Variants in PDE1C observed in about 807,000 individuals in gnomAD.
The protein encoded by PDE1C is phosphodiesterase 1C, also known as dual specificity calcium/calmodulin-dependent 3',5'-cyclic nucleotide phosphodiesterase 1C.
A neutral mutation model predicts 93.1 loss-of-function variants in PDE1C; 62 were observed. That is an observed-to-expected ratio of 0.67 (90% CI 0.54 to 0.82). PDE1C has a LOEUF of 0.82. PDE1C is among the 40% of genes least tolerant of loss of function. The probability of loss-of-function intolerance (pLI) is 0.00; values close to 1 mark genes in which losing one functional copy is unlikely to be tolerated. For missense variants in PDE1C, 742 were observed against 884.6 expected, an observed-to-expected ratio of 0.84 and a Z score of 2.04; for synonymous variants, 325 against 310.1, an observed-to-expected ratio of 1.05 and a Z score of -0.50.
At chr7:31,660,283 T>C in the PDE1C span, among the ~76,000 whole-genome samples, 1 of 152,196 alleles carries the variant, frequency 6.6e-6, no homozygotes, top group Admixed American at 6.5e-5. Context: ...AAAATAAATT[T>C]CTAAAAACTG....
intron 1 of PDE1C, among the ~76,000 whole-genome samples, chr7:32,355,413 G>A (rs900763030): frequency 2.6e-5 from 4 of 152,192 alleles, no homozygotes; most frequent in Non-Finnish European, 5.9e-5. Context: ...TCGCTAGGTT[G>A]AGAGGGTTTT....
intron 9 of PDE1C, among the ~76,000 whole-genome samples, chr7:31,838,436 T>C (rs1405224827): frequency 6.6e-6 from 1 of 152,200 alleles, no homozygotes; most frequent in Non-Finnish European, 1.5e-5. Context: ...GTTCTCATGT[T>C]ACCTCACTTC....
chr7:32,361,267 A>G (rs1429792949), intron 1 of PDE1C, among the ~76,000 whole-genome samples: 1 of 152,194 alleles, frequency 6.6e-6, no homozygotes, highest in Non-Finnish European at 1.5e-5. Flanking sequence ...CGGTAGGTGC[A>G]AAGGCAGGAT....
intron 1 of PDE1C, among the ~76,000 whole-genome samples, chr7:32,312,073 C>T (rs1408005303): frequency 2.0e-5 from 3 of 151,096 alleles, no homozygotes; most frequent in Non-Finnish European, 4.4e-5. Context: ...GATACAAAAT[C>T]AATGTACAAA....
At chr7:32,071,500 C>T, upstream of PDE1C, 1 of 795,962 alleles carries the variant, frequency 1.3e-6, no homozygotes, top group Non-Finnish European at 1.5e-6. Context: ...CCTTTCACCC[C>T]CCCACCCCCA....
chr7:31,638,888 T>C, the PDE1C span, among the ~76,000 whole-genome samples: 1 of 152,164 alleles, frequency 6.6e-6, no homozygotes, highest in Non-Finnish European at 1.5e-5. Context: ...GCAATTCTTT[T>C]GCCTTAGCCT....
intron 2 of PDE1C, among the ~76,000 whole-genome samples, chr7:31,978,310 G>A (rs962679897): frequency 6.6e-6 from 1 of 152,246 alleles, no homozygotes; most frequent in Non-Finnish European, 1.5e-5. Flanking sequence ...GTTAACTGAT[G>A]GGTGTTTAGA....
intron 1 of PDE1C, chr7:32,298,585 C>G: frequency 2.6e-6 from 4 of 1,532,652 alleles, no homozygotes; most frequent in Non-Finnish European, 3.5e-6. Flanking sequence ...TAGAAAGGAA[C>G]TCTGACCGCC....
At position 32,426,621 on chromosome 7, in the gene PDE1C, T is replaced by G. The variant is rs569464766; in HGVS notation, c.310+1201A>C. ...AGTAGCCCACCCAAGGATACTGAGC[T>G]TAGCAGAACCCAGGTGTCCTGACTC... On this transcript the variant is annotated intron_variant, in intron 1 of 1. Transcript: ENST00000672256. 2.0e-5 allele frequency among the ~76,000 whole-genome samples: 3 copies of G among 152,328 alleles called. No individual in the cohort carries two copies. The East Asian group carries it at 5.8e-4, about 29-fold the overall frequency.
chr7:31,662,629 G>C, the PDE1C span, among the ~76,000 whole-genome samples: 1 of 151,660 alleles, frequency 6.6e-6, no homozygotes. Context: ...GTTTGACTCT[G>C]TGCATGTATG....
chr7:31,799,954 C>T (rs188656694), intron 16 of PDE1C, among the ~76,000 whole-genome samples: 3 of 151,760 alleles, frequency 2.0e-5, no homozygotes, highest in Admixed American at 1.3e-4. Flanking sequence ...ATGTAATATA[C>T]ATATCCCCTC....
intron 16 of PDE1C, among the ~76,000 whole-genome samples, chr7:31,799,896 T>C (rs769701542): frequency 1.3e-5 from 2 of 151,722 alleles, no homozygotes; most frequent in Admixed American, 6.6e-5. Flanking sequence ...GACAAAGCTG[T>C]GTCCTGACAG....
chr7:31,702,054 T>C, the PDE1C span, among the ~76,000 whole-genome samples: 1 of 152,222 alleles, frequency 6.6e-6, no homozygotes, highest in African/African-American at 2.4e-5. Context: ...ATTTTGCCTT[T>C]GTATAACCCA....
chr7:31,635,929 TTAAAA>T, the PDE1C span, among the ~76,000 whole-genome samples: 28 of 152,212 alleles, frequency 1.8e-4, no homozygotes, highest in African/African-American at 6.5e-4. Flanking sequence ...ACCCTGGAAC[TTAAAA>T]TAATTTTTTT....
At position 31,757,221 on chromosome 7, in the gene PDE1C, A is replaced by G. The variant is rs374636917; in HGVS notation, c.1961-3668T>C. Among the ~76,000 whole-genome samples the G allele has an allele frequency of 5.9e-5, 9 of 152,256 alleles. No homozygotes were observed. The East Asian group carries it at 9.6e-4, about 16-fold the overall frequency. On this transcript the variant is annotated intron_variant, in intron 17 of 17. Transcript: ENST00000396191. ...GGATATATTATCTAACCTCATTACT[A>G]GAAAATATAAACATATGTGCATAGG...
chr7:32,308,026 A>T (rs1813059814), intron 1 of PDE1C, among the ~76,000 whole-genome samples: 1 of 152,222 alleles, frequency 6.6e-6, no homozygotes, highest in African/African-American at 2.4e-5. Flanking sequence ...GGTCACTCCC[A>T]CCCTAATACT....
At chr7:32,037,428 C>T (rs1175142888) in intron 2 of PDE1C, among the ~76,000 whole-genome samples, 1 of 152,134 alleles carries the variant, frequency 6.6e-6, no homozygotes, top group Non-Finnish European at 1.5e-5. Context: ...ATACAAACCT[C>T]ACTCAAGCCA....
intron 9 of PDE1C, among the ~76,000 whole-genome samples, chr7:31,844,586 C>T (rs1792316791): frequency 6.6e-6 from 1 of 151,982 alleles, no homozygotes; most frequent in Non-Finnish European, 1.5e-5. Flanking sequence ...TGCCTCTCAG[C>T]AGTTTGACTA....
At chr7:32,359,522 C>T (rs1482335993) in intron 1 of PDE1C, among the ~76,000 whole-genome samples, 1 of 152,174 alleles carries the variant, frequency 6.6e-6, no homozygotes, top group Non-Finnish European at 1.5e-5. Flanking sequence ...GTCTCCAATA[C>T]CTACAAGAGT....
Sources: allele counts gnomAD v4.1 joint callset (sites outside exome capture counted in the v4.1 genomes callset), GRCh38; gene constraint gnomAD v4.1.1; transcripts MANE v1.5; gene names NCBI Gene and HGNC (gene_info 2026-07-23, HGNC 2026-07-21).